ZRANB1: variants seen among roughly 807,000 people sequenced by gnomAD.
ZRANB1 encodes the protein zinc finger RANBP2-type containing 1.
In ZRANB1, 16 loss-of-function variants were observed where a neutral mutation model predicts 80.5. The ratio of observed to expected loss-of-function variants is 0.20; its 90% confidence interval spans 0.13 to 0.30. The LOEUF (loss-of-function observed/expected upper bound fraction) is 0.30, where lower values mean the gene tolerates loss of function less well. ZRANB1 is among the 10% of genes least tolerant of loss of function. The pLI, the probability that ZRANB1 is intolerant of heterozygous loss-of-function variation, is 1.00. For missense variants in ZRANB1, 576 were observed against 862.6 expected (o/e 0.67, Z 4.16); for synonymous variants, 291 against 293.1 (o/e 0.99, Z 0.07).
rs1589838561 is a variant in ZRANB1 at position 124,942,661 on chromosome 10, C to T, written c.168C>T (p.Ser56=). 6.2e-7 allele frequency: 1 copy of T among 1,614,184 alleles called. No individual in the cohort carries two copies. The highest frequency in any genetic ancestry group is 1.3e-5 in the African/African-American group (1 of 75,052). Residue 56 remains serine, a synonymous_variant, in exon 1 of 9, where the codon TCC becomes TCT. Transcript: ENST00000359653. The part of the protein sequence containing the change: ...SSDVGRDWDP[S]STEGGSSPLI... ...ATGTTGGTAGAGATTGGGATCCTTC[C>T]AGCACCGAAGGAGGAAGTAGTCCTT... is the stretch of plus-strand genomic sequence containing the variant.
At position 124,986,283 on chromosome 10, in the gene ZRANB1, G is replaced by GCACA. The variant is rs1418013177; in HGVS notation, c.*1292_*1293insACAC. 2.2e-4 allele frequency: 10 copies of GCACA among 45,460 alleles called. No individual in the cohort carries two copies. The highest frequency in any genetic ancestry group is 3.2e-3 in the South Asian group (2 of 626). 2.8% of individuals were successfully genotyped at this position (45,460 alleles called of 1,614,324 possible). ...ATTTGGAAAGACGACACACGCACGCGCGCGCGCGCACACACACACACACAC... is the reference window on the plus strand; with the variant it reads ...ATTTGGAAAGACGACACACGCACGCGCACACGCGCGCGCACACACACACACACAC... On this transcript the variant is annotated 3_prime_UTR_variant, in exon 9 of 9. Coordinates refer to ENST00000359653, the MANE Select transcript of ZRANB1 (RefSeq NM_017580.3).
intron 1 of ZRANB1, among the ~76,000 whole-genome samples, chr10:124,950,888 G>A (rs1311765072): frequency 1.3e-5 from 2 of 152,188 alleles, no homozygotes; most frequent in African/African-American, 2.4e-5. Context: ...AGGCTGGGAT[G>A]GGAGGAACAC....
chr10:124,981,969 T>A (rs1373509463), intron 6 of ZRANB1, 140 bp downstream of exon 6: 1 of 1,010,674 alleles, frequency 9.9e-7, no homozygotes, highest in Non-Finnish European at 1.5e-6. Flanking sequence ...CAACTTGGGT[T>A]CTAGTGATGA....
In ZRANB1 at chr10:124,987,726, C is replaced by G. The variant is rs1952092283; in HGVS notation, c.*2734C>G. 1 of 152,118 alleles carries G rather than the reference C, an allele frequency of 6.6e-6. No homozygotes were observed. Among genetic ancestry groups the G allele is most frequent in the Non-Finnish European group, 1.5e-5 (1 of 68,028 alleles). The allele number at this position is 152,118 out of a possible 1,614,324, so 9.4% of individuals were successfully genotyped here. On this transcript the variant is annotated 3_prime_UTR_variant, in exon 9 of 9. Transcript: ENST00000359653. ...AAATGAGTGAGCAGACAAGGCCAGG[C>G]AAGCCAAAGGCTTTAAGACACCATG...
At chr10:124,925,151 C>A in the ZRANB1 span, among the ~76,000 whole-genome samples, 1 of 152,164 alleles carries the variant, frequency 6.6e-6, no homozygotes, top group Non-Finnish European at 1.5e-5. Context: ...CTCAAGTGAT[C>A]CACCCGCCTC....
chr10:124,939,352 T>C (rs1345562320), upstream of ZRANB1, among the ~76,000 whole-genome samples: 2 of 152,132 alleles, frequency 1.3e-5, no homozygotes, highest in East Asian at 3.9e-4. Flanking sequence ...AAGGCACATC[T>C]CAAAACTCTT....
intron 1 of ZRANB1, among the ~76,000 whole-genome samples, chr10:124,957,805 C>A (rs1187670554): frequency 6.6e-6 from 1 of 151,938 alleles, no homozygotes; most frequent in Non-Finnish European, 1.5e-5. Flanking sequence ...GCGCTTGCTG[C>A]ACCCTCTGCC....
chr10:124,962,775 TTATCTG>T (rs1457766233), intron 1 of ZRANB1, among the ~76,000 whole-genome samples: 3 of 152,252 alleles, frequency 2.0e-5, no homozygotes, highest in Non-Finnish European at 4.4e-5. Context: ...TATTAACACT[TTATCTG>T]TAATTATGTT....
In ZRANB1 at chr10:124,966,539, T is replaced by C. The variant is rs1169924916; in HGVS notation, c.815-55T>C. The C allele has an allele frequency of 1.7e-5, 26 of 1,559,210 alleles. No homozygotes were observed. In the Admixed American group the frequency reaches 2.1e-4, roughly 12 times the overall value. ...ATTTTGGAGTGATTGCTACGGTTTG[T>C]GTTTTTTGAAGAAAATGAGAATTAA... On this transcript the variant is annotated intron_variant, in intron 1 of 8. Transcript: ENST00000359653.
intron 1 of ZRANB1, among the ~76,000 whole-genome samples, chr10:124,964,809 G>A (rs1024192514): frequency 6.6e-6 from 1 of 152,214 alleles, no homozygotes; most frequent in Non-Finnish European, 1.5e-5. Context: ...TAGGTCTGAA[G>A]GGAAAGGTCG....
At chr10:124,975,003 T>A (rs1287652623) in intron 5 of ZRANB1, among the ~76,000 whole-genome samples, 1 of 152,176 alleles carries the variant, frequency 6.6e-6, no homozygotes, top group Non-Finnish European at 1.5e-5. Flanking sequence ...TTGCCATCTT[T>A]CCCAGGGTGG....
chr10:124,946,176 T>G (rs944440884), intron 1 of ZRANB1: 1 of 152,250 alleles, frequency 6.6e-6, no homozygotes, highest in African/African-American at 2.4e-5. Flanking sequence ...CCCAGCACTT[T>G]GGGAGATTGA....
chr10:124,922,336 A>ATATATT, the ZRANB1 span, among the ~76,000 whole-genome samples: 385 of 44,344 alleles, frequency 8.7e-3, 1 homozygote, highest in Non-Finnish European at 0.018. Flanking sequence ...GTATATATAT[A>ATATATT]TTTTTTTTTT....
chr10:124,971,870 T>G, intron 2 of ZRANB1, 95 bp from the exon 3 acceptor site: 1 of 1,219,236 alleles, frequency 8.2e-7, no homozygotes, highest in Non-Finnish European at 1.1e-6. Flanking sequence ...AACCTTGAGT[T>G]ATTGGGAAAT....
the ZRANB1 span, among the ~76,000 whole-genome samples, chr10:124,927,113 G>A: frequency 1.3e-5 from 2 of 152,020 alleles, no homozygotes; most frequent in African/African-American, 2.4e-5. Flanking sequence ...CCGCCACCTC[G>A]CCCGGCTAAT....
chr10:124,975,708 A>G (rs574488095), intron 5 of ZRANB1, among the ~76,000 whole-genome samples: 1 of 152,330 alleles, frequency 6.6e-6, no homozygotes, highest in South Asian at 2.1e-4. Context: ...AGATCAAAGC[A>G]TAATGCAGTA....
chr10:124,922,336 A>ATGTAAAATATATATATATATATATATAT, the ZRANB1 span, among the ~76,000 whole-genome samples: 1 of 44,774 alleles, frequency 2.2e-5, no homozygotes, highest in Non-Finnish European at 5.8e-5. Context: ...GTATATATAT[A>ATGTAAAATATATATATATATATATATAT]TTTTTTTTTT....
the ZRANB1 span, chr10:124,917,165 C>A: frequency 2.9e-5 from 5 of 171,116 alleles, no homozygotes; most frequent in Admixed American, 6.6e-5. Flanking sequence ...CCGCGGGCTG[C>A]GCGGGGAGTC....
intron 1 of ZRANB1, among the ~76,000 whole-genome samples, chr10:124,966,280 C>T (rs760944800): frequency 2.0e-5 from 3 of 151,990 alleles, no homozygotes; most frequent in South Asian, 2.1e-4. Flanking sequence ...TCTCTTGTTA[C>T]GTCTGGTTTC....
Sources: gnomAD v4.1 joint callset for allele counts (sites outside exome capture counted in the v4.1 genomes callset) on GRCh38, gnomAD v4.1.1 for gene constraint, MANE v1.5 for transcripts, NCBI Gene and HGNC (gene_info 2026-07-23, HGNC 2026-07-21) for gene names.